ATP9A: variants seen among roughly 807,000 people sequenced by gnomAD.
ATP9A encodes probable phospholipid-transporting ATPase IIA.
ATP9A carries 52 observed loss-of-function variants against 144.1 expected under a neutral mutation model. That is an observed-to-expected ratio of 0.36 (90% CI 0.29 to 0.45). ATP9A has a LOEUF of 0.45. Ranked by LOEUF, ATP9A falls within the 20% of genes least tolerant of loss-of-function variation. ATP9A has a pLI of 1.00. For missense variants in ATP9A, 947 were observed against 1,392.7 expected (o/e 0.68, Z 5.09); for synonymous variants, 582 against 557.4 (o/e 1.04, Z -0.62).
intron 14 of ATP9A, among the ~76,000 whole-genome samples, chr20:51,644,176 CATCT>C (rs1003276186): frequency 1.3e-5 from 2 of 151,444 alleles, no homozygotes; most frequent in Non-Finnish European, 2.9e-5. Flanking sequence ...AAAATTATCC[CATCT>C]GTCTATGTAA....
intron 13 of ATP9A, among the ~76,000 whole-genome samples, chr20:51,669,751 T>C (rs1449945386): frequency 6.6e-6 from 1 of 152,014 alleles, no homozygotes. Context: ...AAAGGAAGTG[T>C]GGGTGTCATG....
intron 1 of ATP9A, 61 bp from the exon 2 acceptor site, chr20:51,730,039 T>C (rs1281355827): frequency 2.9e-6 from 4 of 1,395,092 alleles, no homozygotes; most frequent in Non-Finnish European, 3.7e-6. Context: ...TGCTCATGTC[T>C]GCCCACTCTT....
intron 1 of ATP9A, among the ~76,000 whole-genome samples, chr20:51,752,477 G>T (rs149454108): frequency 3.0e-4 from 45 of 152,318 alleles, no homozygotes; most frequent in Non-Finnish European, 2.8e-4. Context: ...AAGTGCTCAG[G>T]AAATATTTAT....
intron 4 of ATP9A, among the ~76,000 whole-genome samples, chr20:51,700,570 C>T (rs2077589115): frequency 6.6e-6 from 1 of 152,196 alleles, no homozygotes; most frequent in Non-Finnish European, 1.5e-5. Context: ...GTGGCTCACA[C>T]CTGCAATCCC....
intron 22 of ATP9A, among the ~76,000 whole-genome samples, chr20:51,615,268 A>G (rs940912320): frequency 6.6e-6 from 1 of 152,216 alleles, no homozygotes; most frequent in Non-Finnish European, 1.5e-5. Context: ...GCCAAAGTGA[A>G]GGGTAGATGA....
rs2122695720 is a variant in ATP9A at position 51,597,657 on chromosome 20, GT to G, written c.*3553del. On this transcript the variant is annotated 3_prime_UTR_variant, in exon 28 of 28. Coordinates refer to ENST00000338821, the MANE Select transcript of ATP9A (RefSeq NM_006045.3). The stretch of plus-strand genomic sequence containing the variant: ...TGTCCCATTTGCAATTTTGGCAAAG[GT>G]TTAAAATGCTGCCCTAAAGGCACGC... 1 of 152,238 alleles carries G rather than the reference GT, an allele frequency of 6.6e-6. No homozygotes were observed. The highest frequency in any genetic ancestry group is 2.1e-4 in the South Asian group (1 of 4,822). 9.4% of individuals were successfully genotyped at this position (152,238 alleles called of 1,614,324 possible).
intron 1 of ATP9A, among the ~76,000 whole-genome samples, chr20:51,756,051 C>T (rs2077854489): frequency 3.3e-5 from 5 of 152,060 alleles, no homozygotes; most frequent in Admixed American, 3.3e-4. Flanking sequence ...GCCAAGATGG[C>T]AATAAATGAG....
chr20:51,656,808 T>C (rs934066728), intron 14 of ATP9A, 130 bp downstream of exon 14: 1 of 781,242 alleles, frequency 1.3e-6, no homozygotes, highest in South Asian at 1.8e-5. Flanking sequence ...GAAAATGTGT[T>C]TCCCAGCAGC....
At chr20:51,649,225 G>A (rs1466483677) in intron 14 of ATP9A, among the ~76,000 whole-genome samples, 1 of 152,060 alleles carries the variant, frequency 6.6e-6, no homozygotes, top group Non-Finnish European at 1.5e-5. Flanking sequence ...CCACACACAG[G>A]CATCTTCACT....
intron 9 of ATP9A, among the ~76,000 whole-genome samples, chr20:51,683,254 T>C (rs1458747849): frequency 6.7e-6 from 1 of 148,522 alleles, no homozygotes; most frequent in Non-Finnish European, 1.5e-5. Context: ...ACCTGGACGT[T>C]TGTTTGTTTG....
intron 1 of ATP9A, among the ~76,000 whole-genome samples, chr20:51,742,933 A>C (rs368581551): frequency 1.2e-4 from 19 of 152,324 alleles, no homozygotes; most frequent in African/African-American, 4.6e-4. Context: ...TAAATGTCTC[A>C]ATGTGAGTCA....
chr20:51,610,062 G>GT, intron 24 of ATP9A, 39 bp downstream of exon 24: 1 of 1,530,754 alleles, frequency 6.5e-7, no homozygotes, highest in South Asian at 1.1e-5. Context: ...TTTGAAGAAG[G>GT]TTTTGTAAAC....
intron 4 of ATP9A, among the ~76,000 whole-genome samples, chr20:51,704,872 C>G (rs2077608769): frequency 6.6e-6 from 1 of 152,182 alleles, no homozygotes; most frequent in Non-Finnish European, 1.5e-5. Flanking sequence ...AAGTAAGATT[C>G]ACTTGTACCT....
At chr20:51,650,512 T>TTGTAATCCTAGCACTTTGGGAGGCTGAG (rs1568803013) in intron 14 of ATP9A, among the ~76,000 whole-genome samples, 4 of 150,308 alleles carry the variant, frequency 2.7e-5, no homozygotes, top group African/African-American at 9.9e-5. Flanking sequence ...CCAGCCTGGG[T>TTGTAATCCTAGCACTTTGGGAGGCTGAG]GACAGAGTGA....
chr20:51,626,443 C>T (rs980076956), intron 17 of ATP9A, among the ~76,000 whole-genome samples: 1 of 151,046 alleles, frequency 6.6e-6, no homozygotes, highest in Non-Finnish European at 1.5e-5. Flanking sequence ...GAGCAGAGAT[C>T]GTGCCATTGG....
At chr20:51,716,551 G>T (rs1457046799) in intron 3 of ATP9A, among the ~76,000 whole-genome samples, 1 of 152,042 alleles carries the variant, frequency 6.6e-6, no homozygotes, top group African/African-American at 2.4e-5. Flanking sequence ...TACTCAGGAG[G>T]CTGAGGCAGG....
chr20:51,609,204 A>G lies in ATP9A; in HGVS notation c.2637-578T>C, dbSNP rs182924114. On this transcript the variant is annotated intron_variant, in intron 24 of 27. Transcript: ENST00000338821. ...GGGAAAGATGGGACCAGACCACGGA[A>G]GGTCGCACGGCGCACAGCTCAGGGA... 3.7e-4 allele frequency among the ~76,000 whole-genome samples: 57 copies of G among 152,248 alleles called. No individual in the cohort carries two copies. In the East Asian group the frequency reaches 6.6e-3, roughly 18 times the overall value.
chr20:51,628,872 G>T, intron 16 of ATP9A, 108 bp downstream of exon 16: 1 of 899,272 alleles, frequency 1.1e-6, no homozygotes, highest in Non-Finnish European at 1.8e-6. Flanking sequence ...AGGGTGGTTT[G>T]TTACACAGCC....
At chr20:51,701,845 C>T (rs1244955250) in intron 4 of ATP9A, among the ~76,000 whole-genome samples, 2 of 152,162 alleles carry the variant, frequency 1.3e-5, no homozygotes, top group Non-Finnish European at 2.9e-5. Flanking sequence ...CTTCTTGCCC[C>T]ATGTTGTCTT....
Sources: gnomAD v4.1 joint callset for allele counts (sites outside exome capture counted in the v4.1 genomes callset) on GRCh38, gnomAD v4.1.1 for gene constraint, MANE v1.5 for transcripts, NCBI Gene and HGNC (gene_info 2026-07-23, HGNC 2026-07-21) for gene names.